The following TENM1 variants were observed in gnomAD, a reference collection of about 807,000 sequenced individuals.
TENM1 encodes the protein teneurin transmembrane protein 1.
TENM1 carries 35 observed loss-of-function variants against 174.8 expected under a neutral mutation model. The ratio of observed to expected loss-of-function variants is 0.20; its 90% CI spans 0.15 to 0.27. The LOEUF (loss-of-function observed/expected upper bound fraction) is 0.27. TENM1 is among the 10% of genes least tolerant of loss of function. The pLI is 1.00. For synonymous variants in TENM1, 781 were observed against 798.7 expected, an observed-to-expected ratio of 0.98 and a Z score of 0.37; for missense variants, 1,633 against 2,130.1, an observed-to-expected ratio of 0.77 and a Z score of 4.59.
chrX:125,143,215 G>A, the TENM1 span, among the ~76,000 whole-genome samples: 2 of 111,222 alleles, frequency 1.8e-5, no homozygotes, highest in Admixed American at 9.6e-5. Flanking sequence ...AGAGATAAAT[G>A]GGTTCCCAAC....
At chrX:124,898,040 G>T (rs1036334650) in intron 1 of TENM1, among the ~76,000 whole-genome samples, 18 of 112,208 alleles carry the variant, frequency 1.6e-4, no homozygotes, top group African/African-American at 5.2e-4. Context: ...GCTTGAAGCT[G>T]CAAGAAATGA....
At chrX:125,150,413 C>A in the TENM1 span, among the ~76,000 whole-genome samples, 1 of 111,533 alleles carries the variant, frequency 9.0e-6, no homozygotes, top group African/African-American at 3.3e-5. Context: ...GCCGAGCCTG[C>A]ATTCCTTTCA....
At chrX:125,028,341 T>C in the TENM1 span, among the ~76,000 whole-genome samples, 1 of 112,371 alleles carries the variant, frequency 8.9e-6, no homozygotes, top group Non-Finnish European at 1.9e-5. Context: ...TGAAGAAGAA[T>C]ATGTGTTTAA....
At chrX:125,134,186 T>C in the TENM1 span, among the ~76,000 whole-genome samples, 1 of 112,059 alleles carries the variant, frequency 8.9e-6, no homozygotes, top group Admixed American at 9.5e-5. Context: ...CTGTAGTGTA[T>C]CAGTATATGT....
chrX:124,750,676 T>A (rs1045416354), intron 3 of TENM1, among the ~76,000 whole-genome samples: 1 of 112,080 alleles, frequency 8.9e-6, no homozygotes, highest in African/African-American at 3.2e-5. Context: ...ATTCATATGC[T>A]GTGCCCATTT....
intron 1 of TENM1, among the ~76,000 whole-genome samples, chrX:124,901,889 T>G (rs1009906525): frequency 8.9e-6 from 1 of 111,892 alleles, no homozygotes; most frequent in Non-Finnish European, 1.9e-5. Flanking sequence ...AACCATGACC[T>G]GAGAAATTTG....
intron 5 of TENM1, among the ~76,000 whole-genome samples, chrX:124,673,885 G>A (rs1448328447): frequency 9.0e-6 from 1 of 111,552 alleles, no homozygotes; most frequent in African/African-American, 3.3e-5. Context: ...AACAATGGTG[G>A]AACCATTAAT....
chrX:124,838,878 C>A (rs1201503178), intron 3 of TENM1, among the ~76,000 whole-genome samples: 2 of 110,709 alleles, frequency 1.8e-5, no homozygotes, highest in East Asian at 2.9e-4. Context: ...GAAATGAATA[C>A]AATTACTTTG....
intron 28 of TENM1, among the ~76,000 whole-genome samples, chrX:124,386,950 A>G (rs17325478): frequency 0.02 from 2,195 of 108,626 alleles, 24 homozygotes; most frequent in Middle Eastern, 0.046. Flanking sequence ...GAAACTGTCA[A>G]GTTGGTATTT....
chrX:124,662,720 T>G (rs1325365178), intron 6 of TENM1, among the ~76,000 whole-genome samples: 1 of 111,578 alleles, frequency 9.0e-6, no homozygotes, highest in Non-Finnish European at 1.9e-5. Flanking sequence ...TTTTCTTGTT[T>G]TCCAAGGTCT....
chrX:124,479,975 C>T (rs770030020), intron 22 of TENM1, among the ~76,000 whole-genome samples: 65 of 111,456 alleles, frequency 5.8e-4, no homozygotes, highest in South Asian at 2.3e-3. Flanking sequence ...ATACTTGGGG[C>T]GGGGCTTGTG....
the TENM1 span, among the ~76,000 whole-genome samples, chrX:125,068,410 C>T: frequency 2.1e-4 from 23 of 111,586 alleles, no homozygotes; most frequent in South Asian, 7.5e-4. Context: ...AAAACGTCAT[C>T]GCACTCCAGA....
chrX:124,759,425 G>A (rs2054352401), intron 3 of TENM1, among the ~76,000 whole-genome samples: 1 of 111,517 alleles, frequency 9.0e-6, no homozygotes, highest in South Asian at 3.8e-4. Flanking sequence ...CATCACTCAA[G>A]TAGTATACAC....
chrX:124,855,989 T>C (rs898264193), intron 3 of TENM1, among the ~76,000 whole-genome samples: 4 of 110,399 alleles, frequency 3.6e-5, no homozygotes, highest in Non-Finnish European at 7.6e-5. Context: ...CCCTTCTATT[T>C]AGGAGTTATG....
the TENM1 span, among the ~76,000 whole-genome samples, chrX:125,119,860 A>G: frequency 9.0e-6 from 1 of 111,671 alleles, no homozygotes; most frequent in African/African-American, 3.3e-5. Context: ...TCATCTTATA[A>G]TTGCGTGGGT....
At chrX:124,984,735 C>G in the TENM1 span, among the ~76,000 whole-genome samples, 1 of 112,202 alleles carries the variant, frequency 8.9e-6, no homozygotes, top group East Asian at 2.8e-4. Flanking sequence ...CCTCCTCAGC[C>G]TTGGATAGAA....
At chrX:125,162,849 A>G in the TENM1 span, among the ~76,000 whole-genome samples, 1 of 111,237 alleles carries the variant, frequency 9.0e-6, no homozygotes, top group African/African-American at 3.3e-5. Context: ...TGAACACTGC[A>G]AAGACGACAT....
chrX:125,072,536 C>T, the TENM1 span, among the ~76,000 whole-genome samples: 101 of 111,098 alleles, frequency 9.1e-4, 2 homozygotes, highest in African/African-American at 3.2e-3. Flanking sequence ...AATGAATTGT[C>T]CACACAGGAA....
chrX:124,427,414 G>A (rs2060731205), intron 23 of TENM1, among the ~76,000 whole-genome samples: 1 of 112,299 alleles, frequency 8.9e-6, no homozygotes, highest in African/African-American at 3.2e-5. Context: ...CAGCTATTTT[G>A]TCTGTTTGTT....
Sources: allele counts gnomAD v4.1 joint callset (sites outside exome capture counted in the v4.1 genomes callset), GRCh38; gene constraint gnomAD v4.1.1; transcripts MANE v1.5; gene names NCBI Gene and HGNC (gene_info 2026-07-23, HGNC 2026-07-21).